The following TENM2 variants were observed in gnomAD, a reference collection of about 807,000 sequenced individuals.
The protein encoded by TENM2 is teneurin-2.
A neutral mutation model predicts 245.2 loss-of-function variants in TENM2; 52 were observed. The ratio of observed to expected loss-of-function variants is 0.21; its 90% CI spans 0.17 to 0.27. TENM2 has a LOEUF of 0.27. Ranked by LOEUF, TENM2 falls within the 10% of genes least tolerant of loss-of-function variation. The pLI is 1.00. For missense variants in TENM2, 3,046 were observed against 3,666.8 expected (o/e 0.83, Z 4.37); for synonymous variants, 1,363 against 1,438.9 (o/e 0.95, Z 1.19).
intron 2 of TENM2, among the ~76,000 whole-genome samples, chr5:167,849,579 G>T (rs188029643): frequency 6.6e-6 from 1 of 152,068 alleles, no homozygotes; most frequent in East Asian, 1.9e-4. Context: ...GATCCCACAG[G>T]TTAAGGGCCC....
chr5:167,731,031 A>G (rs1354160213), intron 2 of TENM2, among the ~76,000 whole-genome samples: 3 of 150,968 alleles, frequency 2.0e-5, no homozygotes, highest in Non-Finnish European at 4.4e-5. Flanking sequence ...GTAGATGTGG[A>G]TGCAAGGATT....
the TENM2 span, among the ~76,000 whole-genome samples, chr5:167,199,857 T>C: frequency 6.6e-6 from 1 of 152,160 alleles, no homozygotes; most frequent in African/African-American, 2.4e-5. Context: ...TTGTTGTGTT[T>C]TTTCTTAGGC....
At chr5:167,353,557 G>A (rs201403633) in intron 1 of TENM2, among the ~76,000 whole-genome samples, 1 of 129,348 alleles carries the variant, frequency 7.7e-6, no homozygotes. Flanking sequence ...GCCCAGGCTG[G>A]AGTGCAGTGG....
At chr5:167,563,827 A>G (rs1280901647) in intron 2 of TENM2, among the ~76,000 whole-genome samples, 4 of 152,242 alleles carry the variant, frequency 2.6e-5, no homozygotes, top group Admixed American at 2.6e-4. Flanking sequence ...GGACAGTAAC[A>G]TGCTGTACCG....
chr5:167,568,618 C>A (rs1465641374), intron 2 of TENM2, among the ~76,000 whole-genome samples: 1 of 149,826 alleles, frequency 6.7e-6, no homozygotes, highest in Non-Finnish European at 1.5e-5. Flanking sequence ...TATTGTTTTT[C>A]ATTTGTGCAC....
chr5:167,065,514 G>C, the TENM2 span, among the ~76,000 whole-genome samples: 8 of 152,168 alleles, frequency 5.3e-5, no homozygotes, highest in African/African-American at 1.9e-4. Context: ...ATGTGTGTGT[G>C]CAGACACACA....
the TENM2 span, among the ~76,000 whole-genome samples, chr5:167,154,540 TA>T: frequency 1.3e-5 from 2 of 152,184 alleles, no homozygotes; most frequent in Admixed American, 6.5e-5. Flanking sequence ...TGATAGTGAA[TA>T]AAAATTCTTC....
intron 2 of TENM2, among the ~76,000 whole-genome samples, chr5:167,551,221 T>A (rs1004640767): frequency 6.6e-6 from 1 of 152,200 alleles, no homozygotes; most frequent in African/African-American, 2.4e-5. Flanking sequence ...AAAGTGCTTA[T>A]TACGTCAGAA....
At chr5:168,250,861 C>T (rs1424612412) in intron 27 of TENM2, among the ~76,000 whole-genome samples, 1 of 152,128 alleles carries the variant, frequency 6.6e-6, no homozygotes, top group Non-Finnish European at 1.5e-5. Flanking sequence ...CAAGAAAACA[C>T]ACATATATAG....
intron 2 of TENM2, among the ~76,000 whole-genome samples, chr5:167,772,386 C>T (rs890854106): frequency 3.3e-5 from 5 of 152,162 alleles, no homozygotes; most frequent in Admixed American, 1.3e-4. Flanking sequence ...GAGCTTTTTT[C>T]TCTGACCAAT....
At chr5:167,683,853 TGACTG>T (rs1756901875) in intron 2 of TENM2, among the ~76,000 whole-genome samples, 1 of 152,236 alleles carries the variant, frequency 6.6e-6, no homozygotes, top group African/African-American at 2.4e-5. Flanking sequence ...TTATTTATGA[TGACTG>T]TAATGTAATT....
intron 3 of TENM2, among the ~76,000 whole-genome samples, chr5:167,913,222 T>TGACTA (rs1776685069): frequency 1.3e-5 from 2 of 152,236 alleles, no homozygotes; most frequent in Non-Finnish European, 2.9e-5. Flanking sequence ...CTGGAGTTTC[T>TGACTA]GACTACATTC....
the TENM2 span, among the ~76,000 whole-genome samples, chr5:167,069,268 C>T: frequency 6.6e-6 from 1 of 152,060 alleles, no homozygotes; most frequent in South Asian, 2.1e-4. Context: ...ATAGGTTTTT[C>T]TATATCGCTT....
chr5:167,560,361 G>A (rs1374669852), intron 2 of TENM2, among the ~76,000 whole-genome samples: 3 of 111,142 alleles, frequency 2.7e-5, no homozygotes, highest in African/African-American at 5.0e-5. Flanking sequence ...GGCAAGCATC[G>A]CCTTATTTTT....
intron 24 of TENM2, among the ~76,000 whole-genome samples, 172 bp from the exon 27 acceptor site, chr5:168,227,723 C>G (rs1764349245): frequency 6.6e-6 from 1 of 152,050 alleles, no homozygotes; most frequent in South Asian, 2.1e-4. Flanking sequence ...AGTAGTATCT[C>G]TGCTACTTAC....
the TENM2 span, among the ~76,000 whole-genome samples, chr5:167,269,413 G>T: frequency 3.0e-4 from 46 of 152,188 alleles, no homozygotes; most frequent in Admixed American, 2.7e-3. Flanking sequence ...AGAGCAAAAT[G>T]ATCTTGTTAT....
At chr5:167,009,689 A>T in the TENM2 span, among the ~76,000 whole-genome samples, 1 of 152,026 alleles carries the variant, frequency 6.6e-6, no homozygotes, top group African/African-American at 2.4e-5. Context: ...TGCACATAAA[A>T]ATTTTTTTTT....
the TENM2 span, among the ~76,000 whole-genome samples, chr5:167,183,404 A>G: frequency 6.6e-6 from 1 of 152,212 alleles, no homozygotes; most frequent in African/African-American, 2.4e-5. Context: ...TTTACATACC[A>G]GGAACAAATA....
In TENM2 at chr5:167,457,823, A is replaced by G. The variant is rs139434716; in HGVS notation, c.502+82350A>G. ...TGGTAAGTAAATAAACATTTGCCTCAGAGACTTTAATCTGAGTTAGTGTAA... is the reference window on the plus strand; with the variant it reads ...TGGTAAGTAAATAAACATTTGCCTCGGAGACTTTAATCTGAGTTAGTGTAA... On this transcript the variant is annotated intron_variant, in intron 2 of 28. Transcript: ENST00000518659. Among the ~76,000 whole-genome samples the G allele has an allele frequency of 3.0e-3, 462 of 152,362 alleles. 2 individuals are homozygous for G. Among genetic ancestry groups the G allele is most frequent in the African/African-American group, 0.01 (436 of 41,590 alleles).
Sources: allele counts gnomAD v4.1 joint callset (sites outside exome capture counted in the v4.1 genomes callset), GRCh38; gene constraint gnomAD v4.1.1; transcripts MANE v1.5; gene names NCBI Gene and HGNC (gene_info 2026-07-23, HGNC 2026-07-21).